The following PTPRG variants were observed in gnomAD, a reference collection of about 807,000 sequenced individuals.
The protein encoded by PTPRG is receptor-type tyrosine-protein phosphatase gamma.
Under a neutral mutation model 165.3 loss-of-function variants are expected in PTPRG, and 102 were observed. The ratio of observed to expected loss-of-function variants is 0.62; its 90% CI spans 0.53 to 0.73. The LOEUF (loss-of-function observed/expected upper bound fraction) is 0.73, where lower values mean the gene tolerates loss of function less well. PTPRG is among the 30% of genes least tolerant of loss of function. The pLI is 0.00. For synonymous variants in PTPRG, 675 were observed against 669.5 expected, an observed-to-expected ratio of 1.01 and a Z score of -0.13; for missense variants, 1,866 against 1,861.4, an observed-to-expected ratio of 1.00 and a Z score of -0.05.
chr3:61,893,409 A>G (rs1351436127), intron 2 of PTPRG, among the ~76,000 whole-genome samples: 3 of 152,188 alleles, frequency 2.0e-5, no homozygotes, highest in East Asian at 3.8e-4. Context: ...GTCAATGTCA[A>G]TATCTCTTTT....
chr3:61,641,185 C>T (rs961908859), intron 1 of PTPRG, among the ~76,000 whole-genome samples: 4 of 152,140 alleles, frequency 2.6e-5, no homozygotes, highest in African/African-American at 9.7e-5. Context: ...CTACCTCCCC[C>T]TCCACCGTTC....
intron 4 of PTPRG, among the ~76,000 whole-genome samples, chr3:62,049,061 T>A (rs1407726956): frequency 6.6e-6 from 1 of 151,932 alleles, no homozygotes; most frequent in Non-Finnish European, 1.5e-5. Context: ...ACTTTGAAGT[T>A]GATAACCTTG....
intron 5 of PTPRG, among the ~76,000 whole-genome samples, chr3:62,125,588 A>G (rs1703258271): frequency 6.6e-6 from 1 of 152,178 alleles, no homozygotes; most frequent in Non-Finnish European, 1.5e-5. Context: ...AAAGTTGTCC[A>G]GCACTGCCAC....
chr3:62,173,429 T>G (rs1039529841), intron 8 of PTPRG, among the ~76,000 whole-genome samples: 2 of 152,202 alleles, frequency 1.3e-5, no homozygotes, highest in African/African-American at 4.8e-5. Flanking sequence ...CAAAAAAAGA[T>G]GGCAGACCAG....
chr3:61,671,681 G>T (rs1269136008), intron 1 of PTPRG, among the ~76,000 whole-genome samples: 6 of 148,232 alleles, frequency 4.0e-5, no homozygotes, highest in African/African-American at 1.5e-4. Context: ...GGTGGTGGCC[G>T]GGCAGAGGGG....
At chr3:61,755,930 G>A (rs1327106097) in intron 2 of PTPRG, among the ~76,000 whole-genome samples, 2 of 152,270 alleles carry the variant, frequency 1.3e-5, no homozygotes, top group Non-Finnish European at 2.9e-5. Flanking sequence ...TAGGGTTAAG[G>A]ACTGGGCAGT....
chr3:61,989,461 T>G (rs2040833114), intron 2 of PTPRG, among the ~76,000 whole-genome samples, 164 bp from the exon 3 acceptor site: 1 of 152,232 alleles, frequency 6.6e-6, no homozygotes, highest in African/African-American at 2.4e-5. Context: ...TTCTGAAATC[T>G]TCTTGTCACA....
chr3:62,053,041 G>A (rs896947883), intron 4 of PTPRG, among the ~76,000 whole-genome samples: 2 of 151,816 alleles, frequency 1.3e-5, no homozygotes, highest in Admixed American at 6.6e-5. Flanking sequence ...GAATCCATTC[G>A]CTTTTCCAGT....
intron 1 of PTPRG, among the ~76,000 whole-genome samples, chr3:61,633,318 T>A (rs1449222720): frequency 6.6e-6 from 1 of 152,130 alleles, no homozygotes; most frequent in Non-Finnish European, 1.5e-5. Flanking sequence ...AAGCATTTGT[T>A]AATCAAATAA....
rs1290732606 is a variant in PTPRG, at chr3:61,912,398, C to T, written c.191-77227C>T. ...TTCCCTTTTAAATTTAAAAATTACT[C>T]ATGGATTTGCATTCTGTAGTGTCTC... On this transcript the variant is annotated intron_variant, in intron 2 of 29. Transcript: ENST00000474889. Among the ~76,000 whole-genome samples, 5 of 152,124 alleles carry T rather than the reference C, an allele frequency of 3.3e-5. No individual in the cohort carries two copies. In the East Asian group the frequency reaches 5.8e-4, roughly 18 times the overall value.
At chr3:61,998,114 CAT>C (rs1397159467) in intron 3 of PTPRG, among the ~76,000 whole-genome samples, 2 of 152,210 alleles carry the variant, frequency 1.3e-5, no homozygotes, top group African/African-American at 4.8e-5. Flanking sequence ...GTTATACACA[CAT>C]GTTGAATTTA....
intron 1 of PTPRG, among the ~76,000 whole-genome samples, chr3:61,578,764 G>A (rs1700219976): frequency 6.6e-6 from 1 of 152,202 alleles, no homozygotes; most frequent in Non-Finnish European, 1.5e-5. Context: ...GGCAGTGGTG[G>A]CTAATGGCTA....
At chr3:61,716,402 A>C (rs1054923105) in intron 1 of PTPRG, among the ~76,000 whole-genome samples, 1 of 152,220 alleles carries the variant, frequency 6.6e-6, no homozygotes. Flanking sequence ...ACAAAACACA[A>C]GATCATCTAC....
chr3:61,801,700 T>C (rs1162433667), intron 2 of PTPRG, among the ~76,000 whole-genome samples: 1 of 152,180 alleles, frequency 6.6e-6, no homozygotes, highest in African/African-American at 2.4e-5. Context: ...GCCATCCATA[T>C]TGTTAGCATT....
intron 2 of PTPRG, among the ~76,000 whole-genome samples, chr3:61,953,140 G>A (rs1386308944): frequency 1.3e-5 from 2 of 152,064 alleles, no homozygotes; most frequent in African/African-American, 4.8e-5. Flanking sequence ...ACTCAGAAAC[G>A]CTTTCCCTCC....
chr3:62,124,269 A>G (rs1703199066), intron 5 of PTPRG: 1 of 1,484,256 alleles, frequency 6.7e-7, no homozygotes. Flanking sequence ...GCCTGCAAGG[A>G]CAGGATGCTG....
At chr3:61,865,552 A>G (rs572941290) in intron 2 of PTPRG, among the ~76,000 whole-genome samples, 23 of 152,264 alleles carry the variant, frequency 1.5e-4, no homozygotes, top group Non-Finnish European at 2.5e-4. Flanking sequence ...GAGTAGGTCG[A>G]ATTAAGGGTA....
At chr3:61,900,818 C>T (rs1477252838) in intron 2 of PTPRG, among the ~76,000 whole-genome samples, 2 of 152,094 alleles carry the variant, frequency 1.3e-5, no homozygotes. Context: ...TCGTAGGTGG[C>T]AGTACAGAAT....
intron 1 of PTPRG, among the ~76,000 whole-genome samples, chr3:61,725,166 G>T (rs2032205458): frequency 1.3e-5 from 2 of 152,044 alleles, no homozygotes; most frequent in African/African-American, 4.8e-5. Flanking sequence ...TGAGATTTAC[G>T]TTGAGATACG....
Sources: allele counts gnomAD v4.1 joint callset (sites outside exome capture counted in the v4.1 genomes callset), GRCh38; gene constraint gnomAD v4.1.1; transcripts MANE v1.5; gene names NCBI Gene and HGNC (gene_info 2026-07-23, HGNC 2026-07-21).